Variants in COL6A3 observed in about 807,000 individuals in gnomAD.
The protein encoded by COL6A3 is collagen alpha-3(VI) chain.
In COL6A3, 137 loss-of-function variants were observed where a neutral mutation model predicts 274.1. The ratio of observed to expected loss-of-function variants is 0.50; its 90% confidence interval spans 0.44 to 0.58. The LOEUF (loss-of-function observed/expected upper bound fraction) is 0.58, where lower values mean the gene tolerates loss of function less well. COL6A3 is among the 20% of genes least tolerant of loss of function. The pLI is 0.00. For synonymous variants in COL6A3, 1,650 were observed against 1,650.6 expected (o/e 1.00, Z 0.01); for missense variants, 3,950 against 4,124.9 (o/e 0.96, Z 1.16).
intron 24 of COL6A3, 65 bp from the exon 25 acceptor site, chr2:237,353,468 C>G (rs1423430888): frequency 8.5e-6 from 12 of 1,419,552 alleles, no homozygotes; most frequent in Non-Finnish European, 8.9e-6. Flanking sequence ...GCTCTTTGCT[C>G]TACAGTCATT....
intron 42 of COL6A3, chr2:237,326,448 C>T (rs913632682): frequency 2.0e-5 from 3 of 152,330 alleles, no homozygotes; most frequent in Middle Eastern, 3.4e-3. Context: ...CCAATGCACA[C>T]GTCTGATGTA....
intron 1 of COL6A3, among the ~76,000 whole-genome samples, chr2:237,398,022 T>C (rs552285034): frequency 4.5e-4 from 69 of 152,326 alleles, no homozygotes; most frequent in African/African-American, 1.6e-3. Flanking sequence ...AGTTTGTAAG[T>C]CATGTTTAAA....
At chr2:237,369,240 T>G in intron 9 of COL6A3, 63 bp from the exon 10 acceptor site, 1 of 1,588,936 alleles carries the variant, frequency 6.3e-7, no homozygotes, top group African/African-American at 1.3e-5. Context: ...CCAGGTTTGG[T>G]GTGCACCTTG....
At chr2:237,341,725 A>T (rs2076993705) in intron 37 of COL6A3, among the ~76,000 whole-genome samples, 1 of 152,198 alleles carries the variant, frequency 6.6e-6, no homozygotes, top group South Asian at 2.1e-4. Flanking sequence ...ATGAAAAATT[A>T]TATTACTTCT....
chr2:237,360,052 C>T, intron 17 of COL6A3, 36 bp downstream of exon 17: 1 of 1,609,796 alleles, frequency 6.2e-7, no homozygotes. Context: ...CACCTGACCC[C>T]TCCCCACGCT....
intron 1 of COL6A3, among the ~76,000 whole-genome samples, chr2:237,397,783 C>T (rs2078488373): frequency 6.6e-6 from 1 of 152,134 alleles, no homozygotes; most frequent in Non-Finnish European, 1.5e-5. Context: ...AAAAATTTAT[C>T]CATTATGAAA....
Position 237,367,020 on chromosome 2 carries a change from G to A in COL6A3, c.5167C>T (p.Leu1723Phe). 6.2e-7 allele frequency: 1 copy of A among 1,614,218 alleles called. No homozygotes were observed. The highest frequency in any genetic ancestry group is 8.5e-7 in the Non-Finnish European group (1 of 1,180,042). The change falls in exon 11 of 44, where the codon CTT (leucine) becomes TTT (phenylalanine). Residue 1723 changes from leucine to phenylalanine, a missense_variant. Leu to Phe is a conservative substitution (Grantham distance 22). This residue lies in a region of COL6A3 where 632 missense variants were observed against 623.4 expected (regional missense o/e 1.01). Coordinates refer to ENST00000295550, the MANE Select transcript of COL6A3 (RefSeq NM_004369.4). ...GGRHANTKVG[L>F]EHLRVNHFVP... ...AAGTGGTTTACCCGCAGGTGCTCAA[G>A]GCCCACCTTAGTGTTGGCGTGTCTT...
In COL6A3 at chr2:237,365,959, C is replaced by T; in HGVS notation, c.5577G>A (p.Glu1859=). ...TGTTCAAGATGGCGTCCACCTTGGA[C>T]TCGAAGCCCTTCTGGGCCACAAAAA... The part of the protein sequence containing the change: ...QNVFVAQKGF[E]SKVDAILNRI... The change falls in exon 12 of 44, where the codon GAG becomes GAA. Residue 1859 remains glutamate, a synonymous_variant. Coordinates refer to ENST00000295550, the MANE Select transcript of COL6A3 (RefSeq NM_004369.4). 1.2e-6 allele frequency: 2 copies of T among 1,614,096 alleles called. No individual in the cohort carries two copies. Among genetic ancestry groups the T allele is most frequent in the East Asian group, 2.2e-5 (1 of 44,884 alleles).
intron 1 of COL6A3, among the ~76,000 whole-genome samples, chr2:237,398,864 G>T (rs1042386317): frequency 3.3e-5 from 5 of 152,190 alleles, no homozygotes; most frequent in Non-Finnish European, 5.9e-5. Context: ...GGTAGGCTAG[G>T]ATGTTATTAA....
rs547478609 is a variant in COL6A3, at chr2:237,334,101, G to T, written c.9229+525C>A. Among the ~76,000 whole-genome samples the T allele has an allele frequency of 1.1e-4, 17 of 152,298 alleles. No individual in the cohort carries two copies. The East Asian group carries it at 2.5e-3, about 22-fold the overall frequency. ...GTGCAGGCCTCAGTGAAATGGGGGG[G>T]CCCCTGGGGACAACAGCCAGCCAAG... On this transcript the variant is annotated intron_variant, in intron 41 of 43. Transcript: ENST00000295550.
Position 237,361,928 on chromosome 2 carries a change from G to A in COL6A3, c.6064-97C>T. On this transcript the variant is annotated intron_variant, in intron 14 of 43. Transcript: ENST00000295550. The surrounding 1 kb of genome is among the most constrained non-coding windows in gnomAD (Gnocchi z 5.1). ...AAGGGTCAAAATCGGATGTGTGGGG[G>A]TTTCACGGTGTGAGATGAAGTCCCT... 2 of 1,041,874 alleles carry A rather than the reference G, an allele frequency of 1.9e-6. No homozygotes were observed. Among genetic ancestry groups the A allele is most frequent in the African/African-American group, 1.6e-5 (1 of 64,090 alleles). The allele number at this position is 1,041,874 out of a possible 1,614,324, so 64.5% of individuals were successfully genotyped here. A position where few individuals can be genotyped will look rare whatever the true frequency, so the allele number is the denominator to read the frequency against.
chr2:237,345,026 C>T (rs759051324), intron 34 of COL6A3, 32 bp downstream of exon 34: 8 of 1,614,022 alleles, frequency 5.0e-6, no homozygotes, highest in Non-Finnish European at 6.8e-6. Context: ...TAAAAATATG[C>T]ATTGTGAGAC....
At position 237,379,060 on chromosome 2, in the gene COL6A3, G is replaced by A. The variant is rs1469894630; in HGVS notation, c.2073C>T (p.Phe691=). ...VQFSDTPVTE[F]SLNTYQTKSD... ...ACTTGGTCTGGTATGTGTTTAAAGAGAACTCCGTTACAGGAGTGTCACTAA... is the reference window on the plus strand; with the variant it reads ...ACTTGGTCTGGTATGTGTTTAAAGAAAACTCCGTTACAGGAGTGTCACTAA... The change falls in exon 6 of 44, where the codon TTC becomes TTT. Residue 691 remains phenylalanine (F), a synonymous_variant. Coordinates refer to ENST00000295550, the MANE Select transcript of COL6A3 (RefSeq NM_004369.4). The A allele has an allele frequency of 1.9e-6, 3 of 1,614,222 alleles. No homozygotes were observed. Among genetic ancestry groups the A allele is most frequent in the Non-Finnish European group, 2.5e-6 (3 of 1,180,046 alleles).
intron 16 of COL6A3, 98 bp from the exon 17 acceptor site, chr2:237,360,257 C>T: frequency 8.5e-7 from 1 of 1,174,682 alleles, no homozygotes; most frequent in East Asian, 2.5e-5. Flanking sequence ...GAACAGCATG[C>T]AGCAGAAAGC....
intron 1 of COL6A3, among the ~76,000 whole-genome samples, chr2:237,399,714 T>G (rs538813848): frequency 1.3e-5 from 2 of 152,356 alleles, no homozygotes; most frequent in Non-Finnish European, 2.9e-5. Context: ...TTCCTCTCCA[T>G]GTCTAATTTT....
At chr2:237,375,837 C>G (rs1038663802) in intron 7 of COL6A3, among the ~76,000 whole-genome samples, 1 of 152,210 alleles carries the variant, frequency 6.6e-6, no homozygotes, top group Admixed American at 6.5e-5. Flanking sequence ...GCCACCGCAC[C>G]CGGCCTGTTT....
In COL6A3 at chr2:237,360,511, C is replaced by T. The variant is rs187048964; in HGVS notation, c.6211-352G>A. Among the ~76,000 whole-genome samples the T allele has an allele frequency of 1.7e-3, 266 of 152,304 alleles. 1 individual carries two copies. Among genetic ancestry groups the T allele is most frequent in the African/African-American group, 6.3e-3 (262 of 41,570 alleles). On this transcript the variant is annotated intron_variant, in intron 16 of 43. Coordinates refer to ENST00000295550, the MANE Select transcript of COL6A3 (RefSeq NM_004369.4). ...GCTCCTCCAAGTGATGCTTGATTCC[C>T]AGTTCTCTAGCCGAGCCCTGCCGGC...
rs1040892830 is a variant in COL6A3, at chr2:237,371,183, C to T, written c.4285+549G>A. ...AGTCCCCCCAGTCCTTCCGGCCACC[C>T]TCCTATGGAGATGCCCTCATGCTTT... On this transcript the variant is annotated intron_variant, in intron 9 of 43. Coordinates refer to ENST00000295550, the MANE Select transcript of COL6A3 (RefSeq NM_004369.4). The surrounding 1 kb of genome is among the most constrained non-coding windows in gnomAD (Gnocchi z 4.3). 1.3e-5 allele frequency among the ~76,000 whole-genome samples: 2 copies of T among 152,238 alleles called. No homozygotes were observed. Among genetic ancestry groups the T allele is most frequent in the African/African-American group, 4.8e-5 (2 of 41,464 alleles).
chr2:237,332,197 A>C (rs1400091564), intron 42 of COL6A3, among the ~76,000 whole-genome samples: 1 of 147,118 alleles, frequency 6.8e-6, no homozygotes, highest in Non-Finnish European at 1.5e-5. Context: ...CTGTTTATAC[A>C]ATCTTGTCCC....
Sources: gnomAD v4.1 joint callset for allele counts (sites outside exome capture counted in the v4.1 genomes callset) on GRCh38, gnomAD v4.1.1 for gene constraint, gnomAD v4.1.1 regional missense constraint, Gnocchi (gnomAD v3.1) non-coding constraint, MANE v1.5 for transcripts, NCBI Gene and HGNC (gene_info 2026-07-23, HGNC 2026-07-21) for gene names.